RAB3GAP1: variants seen among roughly 807,000 people sequenced by gnomAD.
RAB3GAP1 encodes rab3 GTPase-activating protein catalytic subunit.
In RAB3GAP1, 86 loss-of-function variants were observed where a neutral mutation model predicts 130.7. The observed-to-expected ratio is 0.66, with a 90% CI of 0.55 to 0.79. The LOEUF (loss-of-function observed/expected upper bound fraction) is 0.79, where lower values mean the gene tolerates loss of function less well. RAB3GAP1 is among the 30% of genes least tolerant of loss of function. The pLI is 0.00. For synonymous variants in RAB3GAP1, 367 were observed against 401.7 expected, an observed-to-expected ratio of 0.91 and a Z score of 1.03; for missense variants, 1,029 against 1,169.4, an observed-to-expected ratio of 0.88 and a Z score of 1.75.
At chr2:135,087,706 T>C (rs1012506990) in intron 3 of RAB3GAP1, among the ~76,000 whole-genome samples, 2 of 152,222 alleles carry the variant, frequency 1.3e-5, no homozygotes, top group African/African-American at 2.4e-5. Flanking sequence ...AGATGGTTAT[T>C]ATATATTGAC....
intron 13 of RAB3GAP1, among the ~76,000 whole-genome samples, chr2:135,132,566 A>G (rs771214522): frequency 1.3e-5 from 2 of 152,154 alleles, no homozygotes; most frequent in African/African-American, 2.4e-5. Context: ...TAGTAGTAAC[A>G]CTAAAAAAAT....
intron 3 of RAB3GAP1, among the ~76,000 whole-genome samples, chr2:135,083,767 GTTTTTTTTTTTTT>G (rs34087354): frequency 3.1e-5 from 3 of 98,288 alleles, no homozygotes; most frequent in African/African-American, 1.2e-4. Flanking sequence ...ACCCAACACG[GTTTTTTTTTTTTT>G]TTTTTTTTTT....
intron 19 of RAB3GAP1, among the ~76,000 whole-genome samples, chr2:135,159,646 A>G (rs1692412529): frequency 6.6e-6 from 1 of 152,244 alleles, no homozygotes. Flanking sequence ...GGAACAGGAA[A>G]ATGACATTAG....
intron 5 of RAB3GAP1, among the ~76,000 whole-genome samples, chr2:135,098,207 G>T (rs1462806988): frequency 6.6e-6 from 1 of 151,934 alleles, no homozygotes; most frequent in African/African-American, 2.4e-5. Context: ...TTTCTTTTTT[G>T]GGGGTGGGGG....
intron 3 of RAB3GAP1, among the ~76,000 whole-genome samples, chr2:135,084,152 G>A (rs1297837845): frequency 6.6e-6 from 1 of 152,126 alleles, no homozygotes; most frequent in Admixed American, 6.5e-5. Flanking sequence ...GGCTGAGGCA[G>A]GAGAATTGCT....
At chr2:135,153,972 TGAG>T in intron 19 of RAB3GAP1, 96 bp downstream of exon 19, 1 of 1,146,372 alleles carries the variant, frequency 8.7e-7, no homozygotes, top group Non-Finnish European at 1.3e-6. Flanking sequence ...TGGACACACT[TGAG>T]GTGCAAAGCA....
chr2:135,052,585 G>T, intron 2 of RAB3GAP1, 100 bp downstream of exon 2: 4 of 1,388,068 alleles, frequency 2.9e-6, no homozygotes, highest in South Asian at 1.2e-5. Context: ...CCACTTGTGC[G>T]GGAACGGTAA....
chr2:135,086,677 TTTTTTTTTTC>T (rs1004125883), intron 3 of RAB3GAP1, among the ~76,000 whole-genome samples: 14 of 138,098 alleles, frequency 1.0e-4, no homozygotes, highest in African/African-American at 3.1e-4. Flanking sequence ...TTTTTTTTTT[TTTTTTTTTTC>T]CTTAGAGATA....
At chr2:135,124,622 G>A (rs979823246) in intron 9 of RAB3GAP1, among the ~76,000 whole-genome samples, 13 of 152,230 alleles carry the variant, frequency 8.5e-5, no homozygotes, top group East Asian at 3.9e-4. Context: ...CTAAGATCAC[G>A]CCATTGCACT....
In RAB3GAP1 at chr2:135,130,063, T is replaced by A; in HGVS notation, c.1042T>A (p.Ser348Thr). The change falls in exon 12 of 24, where the codon TCT (serine) becomes ACT (threonine). Residue 348 changes from serine to threonine, a missense_variant. By Grantham distance (58) the Ser-to-Thr change is moderately conservative (BLOSUM62 1). Transcript: ENST00000264158. ...GTCAACTGATGAGATTCTTGGACGA[T>A]CTGCATTTGAGGAAGAAGGCAAAGG... Reference protein sequence around the residue: ...KESTDEILGRSAFEEEGKETA... With the variant: ...KESTDEILGRTAFEEEGKETA... The A allele has an allele frequency of 6.2e-7, 1 of 1,613,324 alleles. No individual in the cohort carries two copies. The highest frequency in any genetic ancestry group is 8.5e-7 in the Non-Finnish European group (1 of 1,179,462).
At chr2:135,073,994 G>A (rs1214653287) in intron 3 of RAB3GAP1, among the ~76,000 whole-genome samples, 1 of 152,180 alleles carries the variant, frequency 6.6e-6, no homozygotes, top group African/African-American at 2.4e-5. Flanking sequence ...TTCCAAAGGG[G>A]CATTCCACCT....
chr2:135,073,028 A>G (rs1448870539), intron 3 of RAB3GAP1, among the ~76,000 whole-genome samples: 3 of 152,206 alleles, frequency 2.0e-5, no homozygotes, highest in African/African-American at 4.8e-5. Flanking sequence ...AGATTTAGGT[A>G]GCTTTCCCGG....
At chr2:135,143,829 G>T (rs189183873) in intron 17 of RAB3GAP1, among the ~76,000 whole-genome samples, 39 of 151,394 alleles carry the variant, frequency 2.6e-4, no homozygotes, top group Admixed American at 2.6e-4. Context: ...GATTACAGGC[G>T]TGAGCCACTG....
chr2:135,126,215 A>C lies in RAB3GAP1; in HGVS notation c.865A>C (p.Thr289Pro). The change falls in exon 10 of 24, where the codon ACC becomes CCC. Residue 289 changes from threonine to proline, a missense_variant. Around this residue, in one of 3 missense-constraint regions of RAB3GAP1, gnomAD observed 510 missense variants for 532.1 expected, o/e 0.96. Coordinates refer to ENST00000264158, the MANE Select transcript of RAB3GAP1 (RefSeq NM_012233.3). ...LHLATTWPHL[T>P]EGIIVDNDVY... is the part of the protein sequence containing the mutation. ...TTTAGCTACTACATGGCCTCATCTG[A>C]CCGAAGGGATCATTGTGGATAATGA... 1 of 1,613,410 alleles carries C rather than the reference A, an allele frequency of 6.2e-7. No individual in the cohort carries two copies. The highest frequency in any genetic ancestry group is 8.5e-7 in the Non-Finnish European group (1 of 1,179,526).
Position 135,168,839 on chromosome 2 carries a change from G to C in RAB3GAP1, c.*58G>C, listed in dbSNP as rs996276046. 6.7e-7 allele frequency: 1 copy of C among 1,490,252 alleles called. No homozygotes were observed. Among genetic ancestry groups the C allele is most frequent in the Non-Finnish European group, 9.4e-7 (1 of 1,068,764 alleles). The allele number at this position is 1,490,252 out of a possible 1,614,324, so 92.3% of individuals were successfully genotyped here. A position where few individuals can be genotyped will look rare whatever the true frequency, so the allele number is the denominator to read the frequency against. ...GACAGTGCTGCCTCCTCCTGAGGGA[G>C]GGAAGGTACCAGGGAGAACCTGGGA... On this transcript the variant is annotated 3_prime_UTR_variant, in exon 24 of 24. Transcript: ENST00000264158.
intron 11 of RAB3GAP1, among the ~76,000 whole-genome samples, chr2:135,127,329 TTTTG>T (rs75988598): frequency 0.02 from 2,995 of 150,922 alleles, 81 homozygotes; most frequent in African/African-American, 0.064. Context: ...AAGAGCACTG[TTTTG>T]TTTGTTTGTT....
At chr2:135,143,074 T>C (rs1558797262) in intron 17 of RAB3GAP1, among the ~76,000 whole-genome samples, 1 of 152,080 alleles carries the variant, frequency 6.6e-6, no homozygotes, top group Non-Finnish European at 1.5e-5. Context: ...AAGTTTTGTT[T>C]GTAGAAATAT....
chr2:135,117,409 TTTCTTCTTCTTC>T (rs764864449), intron 7 of RAB3GAP1, among the ~76,000 whole-genome samples: 37 of 100,274 alleles, frequency 3.7e-4, no homozygotes, highest in South Asian at 9.1e-4. Flanking sequence ...CAATACTTTA[TTTCTTCTTCTTC>T]TTCTTCTTCT....
At chr2:135,163,876 T>G (rs1028113478) in intron 22 of RAB3GAP1, among the ~76,000 whole-genome samples, 2 of 152,240 alleles carry the variant, frequency 1.3e-5, no homozygotes, top group African/African-American at 4.8e-5. Flanking sequence ...CAAGTTTGTG[T>G]TTGAATTTTA....
Sources: gnomAD v4.1 joint callset for allele counts (sites outside exome capture counted in the v4.1 genomes callset) on GRCh38, gnomAD v4.1.1 for gene constraint, gnomAD v4.1.1 regional missense constraint, MANE v1.5 for transcripts, NCBI Gene and HGNC (gene_info 2026-07-23, HGNC 2026-07-21) for gene names.